The following USP24 variants were observed in gnomAD, a reference collection of about 807,000 sequenced individuals.
The protein encoded by USP24 is ubiquitin specific peptidase 24.
In USP24, 97 loss-of-function variants were observed where a neutral mutation model predicts 361.6. That is an observed-to-expected ratio of 0.27 (90% CI 0.23 to 0.32). The LOEUF (loss-of-function observed/expected upper bound fraction) is 0.32, where lower values mean the gene tolerates loss of function less well. Ranked by LOEUF, USP24 falls within the 10% of genes least tolerant of loss-of-function variation. USP24 has a pLI of 1.00. For missense variants in USP24, 2,353 were observed against 3,165.6 expected, an observed-to-expected ratio of 0.74 and a Z score of 6.16; for synonymous variants, 1,098 against 1,124.6, an observed-to-expected ratio of 0.98 and a Z score of 0.47.
chr1:55,170,619 A>T (rs1382230187), intron 5 of USP24, among the ~76,000 whole-genome samples: 1 of 152,192 alleles, frequency 6.6e-6, no homozygotes, highest in East Asian at 1.9e-4. Context: ...CCCAACTCAA[A>T]GAGCCATTGT....
At chr1:55,214,685 A>G in intron 1 of USP24, 105 bp downstream of exon 1, 1 of 958,654 alleles carries the variant, frequency 1.0e-6, no homozygotes, top group Non-Finnish European at 1.3e-6. Flanking sequence ...CTAAAGCCCC[A>G]GTCGAATGCC....
chr1:55,187,350 G>T (rs1396344909), intron 1 of USP24, among the ~76,000 whole-genome samples: 1 of 152,178 alleles, frequency 6.6e-6, no homozygotes, highest in African/African-American at 2.4e-5. Flanking sequence ...ATATTTAACT[G>T]TGAAATACTG....
intron 30 of USP24, 74 bp from the exon 31 acceptor site, chr1:55,132,774 G>T (rs562216216): frequency 1.4e-6 from 2 of 1,403,854 alleles, no homozygotes; most frequent in South Asian, 1.5e-5. Flanking sequence ...CTTAGTACAC[G>T]TCCTAATATT....
chr1:55,131,741 A>C (rs1646597841), intron 31 of USP24, among the ~76,000 whole-genome samples: 1 of 152,200 alleles, frequency 6.6e-6, no homozygotes, highest in South Asian at 2.1e-4. Context: ...TACCCTCTTA[A>C]AATTTTTGAC....
At chr1:55,141,796 G>A in intron 23 of USP24, 65 bp from the exon 24 acceptor site, 3 of 1,447,894 alleles carry the variant, frequency 2.1e-6, no homozygotes, top group East Asian at 4.9e-5. Flanking sequence ...TGACATTCTG[G>A]ACAGGATAAT....
At chr1:55,142,682 A>T in intron 23 of USP24, 60 bp downstream of exon 23, 1 of 1,159,788 alleles carries the variant, frequency 8.6e-7, no homozygotes, top group Non-Finnish European at 1.2e-6. Flanking sequence ...AAAAATATAA[A>T]ATTATGAAAG....
At chr1:55,199,082 G>A (rs1427234207) in intron 1 of USP24, among the ~76,000 whole-genome samples, 1 of 152,124 alleles carries the variant, frequency 6.6e-6, no homozygotes, top group Admixed American at 6.5e-5. Flanking sequence ...TTGAGGCCAG[G>A]AGTTTGGGAC....
chr1:55,100,314 C>T (rs193223261), intron 44 of USP24, among the ~76,000 whole-genome samples: 2 of 152,170 alleles, frequency 1.3e-5, no homozygotes, highest in South Asian at 2.1e-4. Flanking sequence ...CTGACCAACA[C>T]GGAGAAACCC....
chr1:55,115,164 A>C (rs1646069513), intron 38 of USP24, among the ~76,000 whole-genome samples: 1 of 152,200 alleles, frequency 6.6e-6, no homozygotes, highest in South Asian at 2.1e-4. Flanking sequence ...AGAGAAATGC[A>C]AATCAAAACC....
chr1:55,122,599 T>C (rs1417728851), intron 36 of USP24, among the ~76,000 whole-genome samples: 1 of 151,778 alleles, frequency 6.6e-6, no homozygotes, highest in East Asian at 1.9e-4. Flanking sequence ...ATAGTCCAAG[T>C]AGGAAGCAAT....
chr1:55,100,670 TG>T (rs1645610924), intron 44 of USP24, among the ~76,000 whole-genome samples, 168 bp downstream of exon 44: 1 of 152,250 alleles, frequency 6.6e-6, no homozygotes, highest in African/African-American at 2.4e-5. Context: ...AACATTCTAA[TG>T]ATTTGAAACC....
chr1:55,095,499 C>A, intron 50 of USP24, 103 bp from the exon 51 acceptor site: 1 of 1,299,174 alleles, frequency 7.7e-7, no homozygotes, highest in Non-Finnish European at 1.0e-6. Context: ...GTTAACTACT[C>A]CCTAAGTTTG....
rs1644963557 is a variant in USP24, at chr1:55,215,317, C to CGCGGCT, written c.-210_-205dup. On this transcript the variant is annotated 5_prime_UTR_variant, in exon 1 of 68. Coordinates refer to ENST00000294383, the MANE Select transcript of USP24 (RefSeq NM_015306.3). ...GAGCTAGTGCGGTGAGGCGCTCAGGCGCGGCTGCGGCCCGGCCCAGCCCTG... is the reference window on the plus strand; with the variant it reads ...GAGCTAGTGCGGTGAGGCGCTCAGGCGCGGCTGCGGCTGCGGCCCGGCCCAGCCCTG... 6.6e-6 allele frequency among the ~76,000 whole-genome samples: 1 copy of CGCGGCT among 151,884 alleles called. No homozygotes were observed. Among genetic ancestry groups the CGCGGCT allele is most frequent in the African/African-American group, 2.4e-5 (1 of 41,404 alleles).
At chr1:55,129,273 C>T (rs558066209) in intron 32 of USP24, among the ~76,000 whole-genome samples, 4 of 152,248 alleles carry the variant, frequency 2.6e-5, no homozygotes, top group Admixed American at 2.0e-4. Context: ...AAGAGACATG[C>T]TTCCATACGT....
intron 38 of USP24, among the ~76,000 whole-genome samples, chr1:55,120,295 CT>C (rs1026666550): frequency 1.3e-5 from 2 of 152,144 alleles, no homozygotes; most frequent in Non-Finnish European, 2.9e-5. Context: ...TCAGTATAAC[CT>C]TTACACAGTG....
At chr1:55,170,584 C>T (rs1649340984) in intron 5 of USP24, among the ~76,000 whole-genome samples, 1 of 152,070 alleles carries the variant, frequency 6.6e-6, no homozygotes, top group Admixed American at 6.6e-5. Flanking sequence ...CAGTTCTCAC[C>T]TATGAAATGG....
At chr1:55,151,590 T>TC (rs1647193907) in intron 16 of USP24, among the ~76,000 whole-genome samples, 1 of 148,630 alleles carries the variant, frequency 6.7e-6, no homozygotes, top group Non-Finnish European at 1.5e-5. Flanking sequence ...AAAAATGAGG[T>TC]TTTTTTTTGG....
In USP24 at chr1:55,107,855, A is replaced by C. The variant is rs113827826; in HGVS notation, c.4571-425T>G. Among the ~76,000 whole-genome samples, 310 of 149,582 alleles carry C rather than the reference A, an allele frequency of 2.1e-3. 3 individuals are homozygous for C. The highest frequency in any genetic ancestry group is 5.8e-3 in the African/African-American group (238 of 40,736). On this transcript the variant is annotated intron_variant, in intron 39 of 67. Transcript: ENST00000294383. ...AGACTCTGTCTCAAAAAAAAAAAAAAAAAAAAAAAAACACACAAAAACCCC... is the reference window on the plus strand; with the variant it reads ...AGACTCTGTCTCAAAAAAAAAAAAACAAAAAAAAAAACACACAAAAACCCC...
At chr1:55,078,081 T>C (rs1345848132) in intron 61 of USP24, among the ~76,000 whole-genome samples, 3 of 152,236 alleles carry the variant, frequency 2.0e-5, no homozygotes, top group African/African-American at 7.2e-5. Context: ...ACACTACATG[T>C]ATCACCACTA....
Sources: gnomAD v4.1 joint callset for allele counts (sites outside exome capture counted in the v4.1 genomes callset) on GRCh38, gnomAD v4.1.1 for gene constraint, MANE v1.5 for transcripts, NCBI Gene and HGNC (gene_info 2026-07-23, HGNC 2026-07-21) for gene names.